The following YEATS2 variants were observed in gnomAD, a reference collection of about 807,000 sequenced individuals.
The protein encoded by YEATS2 is YEATS domain-containing protein 2.
Under a neutral mutation model 163.2 loss-of-function variants are expected in YEATS2, and 77 were observed. The observed-to-expected ratio is 0.47, with a 90% CI of 0.39 to 0.57. The LOEUF (loss-of-function observed/expected upper bound fraction) is 0.57, where lower values mean the gene tolerates loss of function less well. YEATS2 is among the 20% of genes least tolerant of loss of function. YEATS2 has a pLI of 0.00. For synonymous variants in YEATS2, 631 were observed against 645.1 expected, an observed-to-expected ratio of 0.98 and a Z score of 0.33; for missense variants, 1,549 against 1,729.8, an observed-to-expected ratio of 0.90 and a Z score of 1.85.
chr3:183,756,817 T>A, intron 12 of YEATS2, 128 bp downstream of exon 12: 1 of 875,674 alleles, frequency 1.1e-6, no homozygotes, highest in Non-Finnish European at 1.5e-6. Flanking sequence ...CGAGAATAAG[T>A]AAAAGGAAAG....
intron 7 of YEATS2, among the ~76,000 whole-genome samples, chr3:183,731,537 A>G (rs1272263923): frequency 6.6e-6 from 1 of 152,238 alleles, no homozygotes; most frequent in East Asian, 1.9e-4. Flanking sequence ...TTTCTTTTAA[A>G]TTGCAAAGAC....
intron 9 of YEATS2, among the ~76,000 whole-genome samples, chr3:183,750,425 A>G (rs1278158931): frequency 1.3e-5 from 2 of 152,142 alleles, no homozygotes; most frequent in African/African-American, 2.4e-5. Flanking sequence ...CCTTGCTTTC[A>G]GTTCTTTTGG....
intron 9 of YEATS2, 77 bp from the exon 10 acceptor site, chr3:183,751,996 A>G: frequency 6.6e-7 from 1 of 1,507,578 alleles, no homozygotes; most frequent in South Asian, 1.2e-5. Flanking sequence ...CCCGGAGATT[A>G]CATTCTTGGA....
chr3:183,784,340 T>TAGTG (rs1158401867), intron 19 of YEATS2, among the ~76,000 whole-genome samples: 3 of 152,222 alleles, frequency 2.0e-5, no homozygotes, highest in African/African-American at 7.2e-5. Context: ...CTCTGGTGAT[T>TAGTG]AGTGATACGG....
intron 27 of YEATS2, chr3:183,806,272 C>A: frequency 4.4e-6 from 2 of 455,954 alleles, no homozygotes; most frequent in Non-Finnish European, 8.8e-6. Context: ...AGAGCCCAGT[C>A]AGTAAAACAA....
chr3:183,759,054 C>G (rs1721071593), intron 13 of YEATS2, 89 bp downstream of exon 13: 1 of 859,448 alleles, frequency 1.2e-6, no homozygotes, highest in South Asian at 2.0e-5. Context: ...ATGGGGTCTC[C>G]CCGTATTAAC....
In YEATS2 at chr3:183,804,040, T is replaced by G; in HGVS notation, c.3636T>G (p.Asn1212Lys). ...TCTTACAAGAAATCCTGGAGAAGAA[T>G]CCGAGATTTCACCACCTGACTCCCC... is the stretch of plus-strand genomic sequence containing the variant. ...RKVLQEILEK[N>K]PRFHHLTPLK... The change falls in exon 27 of 31, where the codon AAT becomes AAG. Residue 1212 changes from asparagine (N) to lysine (K), a missense_variant. Transcript: ENST00000305135. 1 of 1,614,008 alleles carries G rather than the reference T, an allele frequency of 6.2e-7. No individual in the cohort carries two copies. Among genetic ancestry groups the G allele is most frequent in the Non-Finnish European group, 8.5e-7 (1 of 1,180,022 alleles).
At chr3:183,762,739 G>A (rs1190733308) in intron 15 of YEATS2, among the ~76,000 whole-genome samples, 1 of 151,604 alleles carries the variant, frequency 6.6e-6, no homozygotes, top group African/African-American at 2.4e-5. Context: ...GAGAATTAAT[G>A]TATTGAGAGA....
chr3:183,722,910 T>C (rs62288773), intron 5 of YEATS2, among the ~76,000 whole-genome samples: 6,768 of 150,766 alleles, frequency 0.045, 382 homozygotes, highest in East Asian at 0.15. Flanking sequence ...CCTCGGCCTC[T>C]CAAAGTGCTG....
chr3:183,810,112 G>A (rs377261193), intron 30 of YEATS2: 15 of 205,556 alleles, frequency 7.3e-5, no homozygotes, highest in Admixed American at 1.7e-4. Flanking sequence ...TCCGTCTCCC[G>A]TCTTTCTAGG....
Position 183,715,236 on chromosome 3 carries a change from A to C in YEATS2, c.74A>C (p.Lys25Thr). 1 of 1,610,142 alleles carries C rather than the reference A, an allele frequency of 6.2e-7. No individual in the cohort carries two copies. Among genetic ancestry groups the C allele is most frequent in the Non-Finnish European group, 8.5e-7 (1 of 1,179,260 alleles). ...YEDVSVALPNKRHKAIENSAR... is the reference protein window; with the variant it reads ...YEDVSVALPNTRHKAIENSAR... ...GATGTATCTGTGGCCCTTCCAAATA[A>C]GCGGCATAAAGCAATTGAGAATTCA... The change falls in exon 2 of 31, where the codon AAG (lysine) becomes ACG (threonine). Residue 25 changes from lysine to threonine, a missense_variant. Physicochemically the swap from Lys to Thr is moderately conservative, Grantham distance 78 (BLOSUM62 -1). Transcript: ENST00000305135.
intron 7 of YEATS2, among the ~76,000 whole-genome samples, chr3:183,731,675 C>T (rs1461161444): frequency 1.3e-5 from 2 of 152,206 alleles, no homozygotes; most frequent in Non-Finnish European, 2.9e-5. Context: ...GATTGTGCTG[C>T]AGCTCCTTAT....
chr3:183,752,546 A>T (rs1720284150), intron 10 of YEATS2, among the ~76,000 whole-genome samples: 1 of 151,464 alleles, frequency 6.6e-6, no homozygotes, highest in African/African-American at 2.4e-5. Context: ...CGTCTCTACT[A>T]AAAATACAAA....
chr3:183,781,090 C>G (rs1232082943), intron 19 of YEATS2, among the ~76,000 whole-genome samples: 4 of 151,998 alleles, frequency 2.6e-5, no homozygotes, highest in Non-Finnish European at 5.9e-5. Flanking sequence ...TTAGGGTTCT[C>G]CAGAGAAACA....
chr3:183,801,177 A>G (rs1725632831), intron 24 of YEATS2: 1 of 277,798 alleles, frequency 3.6e-6, no homozygotes, highest in South Asian at 7.1e-5. Context: ...CAAAAAGATT[A>G]TATTGCTATT....
chr3:183,798,010 C>T lies in YEATS2; in HGVS notation c.3185C>T (p.Thr1062Ile), dbSNP rs368812985. The T allele has an allele frequency of 4.3e-6, 7 of 1,614,060 alleles. No individual in the cohort carries two copies. In the African/African-American group the frequency reaches 8.0e-5, roughly 18 times the overall value. Reference sequence around the variant, plus strand: ...CAGCTCAAACCACTCAGCGTAAACACATCTGGAGGGGTGCAGACGATCCTG... The same window carrying T: ...CAGCTCAAACCACTCAGCGTAAACATATCTGGAGGGGTGCAGACGATCCTG... ...PSQLKPLSVN[T>I]SGGVQTILMP... Residue 1062 changes from threonine (T) to isoleucine (I), a missense_variant, in exon 22 of 31, where the codon ACA (threonine) becomes ATA (isoleucine). By Grantham distance (89) the Thr-to-Ile change is moderately conservative. Transcript: ENST00000305135.
At chr3:183,790,166 C>T (rs542673579) in intron 20 of YEATS2, among the ~76,000 whole-genome samples, 2 of 152,348 alleles carry the variant, frequency 1.3e-5, no homozygotes, top group Non-Finnish European at 2.9e-5. Flanking sequence ...CTGGAAGATT[C>T]CTCTAAAGTG....
intron 21 of YEATS2, 122 bp downstream of exon 21, chr3:183,791,102 C>A: frequency 7.7e-7 from 1 of 1,297,626 alleles, no homozygotes; most frequent in Non-Finnish European, 1.0e-6. Context: ...ATCACAATCT[C>A]GACTCACTGC....
At chr3:183,782,130 AC>A (rs1219919782) in intron 19 of YEATS2, among the ~76,000 whole-genome samples, 35 of 151,932 alleles carry the variant, frequency 2.3e-4, no homozygotes, top group African/African-American at 8.2e-4. Context: ...TTTTTTTGAG[AC>A]AGAGTTTCGC....
Sources: allele counts gnomAD v4.1 joint callset (sites outside exome capture counted in the v4.1 genomes callset), GRCh38; gene constraint gnomAD v4.1.1; transcripts MANE v1.5; gene names NCBI Gene and HGNC (gene_info 2026-07-23, HGNC 2026-07-21).